Variants in GPR6 observed in about 807,000 individuals in gnomAD.
GPR6 encodes the protein G protein-coupled receptor 6, also known as sphingosine 1-phosphate receptor GPR6.
GPR6 carries 14 observed loss-of-function variants against 18.5 expected under a neutral mutation model. The observed-to-expected ratio is 0.76, with a 90% confidence interval of 0.50 to 1.18. The LOEUF (loss-of-function observed/expected upper bound fraction) is 1.18. Ranked by LOEUF, GPR6 falls within the 50% of genes most tolerant of loss-of-function variation. The pLI is 0.00. For missense variants in GPR6, 477 were observed against 495.9 expected, an observed-to-expected ratio of 0.96 and a Z score of 0.36; for synonymous variants, 299 against 240.9, an observed-to-expected ratio of 1.24 and a Z score of -2.23.
At position 109,979,408 on chromosome 6, in the gene GPR6, C is replaced by G. The variant is rs1771027962; in HGVS notation, c.296C>G (p.Ser99Cys). 1.2e-6 allele frequency: 2 copies of G among 1,613,458 alleles called. No homozygotes were observed. Among genetic ancestry groups the G allele is most frequent in the African/African-American group, 2.7e-5 (2 of 74,948 alleles). Residue 99 changes from serine to cysteine, a missense_variant, in exon 2 of 2, where the codon TCC (serine) becomes TGC (cysteine). By Grantham distance (112) the Ser-to-Cys change is moderately radical (BLOSUM62 -1). Transcript: ENST00000275169. ...ENALVVALIA[S>C]TPALRTPMFV... ...GCGCTGGTGGTGGCGCTCATCGCGT[C>G]CACTCCGGCGCTGCGCACGCCCATG...
intron 1 of GPR6, 61 bp from the exon 2 acceptor site, chr6:109,979,034 T>C: frequency 1.3e-6 from 2 of 1,536,540 alleles, no homozygotes; most frequent in South Asian, 1.2e-5. Flanking sequence ...GCTCTACGCG[T>C]GGGGAAGTTT....
Position 109,980,282 on chromosome 6 carries a change from CTG to C in GPR6, c.*82_*83del. On this transcript the variant is annotated 3_prime_UTR_variant, in exon 2 of 2. Transcript: ENST00000275169. ...TAAGCTCGGTGCCTGCTGACGAACT[CTG>C]AGATCCCAATGGTGTGAGTCTGACT... 6.4e-7 allele frequency: 1 copy of C among 1,568,608 alleles called. No individual in the cohort carries two copies. The highest frequency in any genetic ancestry group is 1.1e-5 in the South Asian group (1 of 86,972).
rs1379806981 is a variant in GPR6 at position 109,980,128 on chromosome 6, C to A, written c.1016C>A (p.Ala339Asp). The change falls in exon 2 of 2, where the codon GCC becomes GAC. Residue 339 changes from alanine (A) to aspartate (D), a missense_variant. Coordinates refer to ENST00000275169, the MANE Select transcript of GPR6 (RefSeq NM_005284.5). ...YAFRNQEIQRALWLLLCGCFQ... is the reference protein window; with the variant it reads ...YAFRNQEIQRDLWLLLCGCFQ... Reference sequence around the variant, plus strand: ...TTCCGCAACCAGGAGATCCAGCGCGCCCTGTGGCTCCTGCTCTGTGGCTGT... The same window carrying A: ...TTCCGCAACCAGGAGATCCAGCGCGACCTGTGGCTCCTGCTCTGTGGCTGT... 1 of 1,614,230 alleles carries A rather than the reference C, an allele frequency of 6.2e-7. No homozygotes were observed. Among genetic ancestry groups the A allele is most frequent in the Non-Finnish European group, 8.5e-7 (1 of 1,180,044 alleles).
chr6:109,980,496 T>C lies in GPR6; in HGVS notation c.*295T>C. The C allele has an allele frequency of 2.4e-6, 1 of 423,026 alleles. No individual in the cohort carries two copies. Among genetic ancestry groups the C allele is most frequent in the Non-Finnish European group, 4.3e-6 (1 of 230,316 alleles). The allele number at this position is 423,026 out of a possible 1,614,324, so 26.2% of individuals were successfully genotyped here. On this transcript the variant is annotated 3_prime_UTR_variant, in exon 2 of 2. Coordinates refer to ENST00000275169, the MANE Select transcript of GPR6 (RefSeq NM_005284.5). ...CCAAGAAAAAGATATGGTTGTATAC[T>C]CAAATTGTACATCACGTTTGTCAAA...
chr6:109,979,140 G>A lies in GPR6; in HGVS notation c.28G>A (p.Asp10Asn), dbSNP rs770420796. Residue 10 changes from aspartate (D) to asparagine (N), a missense_variant, in exon 2 of 2, where the codon GAC (aspartate) becomes AAC (asparagine). Asp to Asn is a conservative substitution (Grantham distance 23). Coordinates refer to ENST00000275169, the MANE Select transcript of GPR6 (RefSeq NM_005284.5). Reference protein sequence around the residue: MNASAASLNDSQVVVVAAEG... With the variant: MNASAASLNNSQVVVVAAEG... ...GAACGCGAGCGCCGCCTCGCTCAAC[G>A]ACTCCCAGGTGGTGGTAGTGGCGGC... is the stretch of plus-strand genomic sequence containing the variant. The A allele has an allele frequency of 1.4e-5, 22 of 1,595,046 alleles. No individual in the cohort carries two copies. In the East Asian group the frequency reaches 3.6e-4, roughly 26 times the overall value.
intron 1 of GPR6, 49 bp from the exon 2 acceptor site, chr6:109,979,046 C>T (rs532787255): frequency 3.3e-6 from 5 of 1,536,402 alleles, no homozygotes; most frequent in Non-Finnish European, 4.4e-6. Context: ...GGGAAGTTTC[C>T]TGGCAGCCTG....
Position 109,979,898 on chromosome 6 carries a change from G to T in GPR6, c.786G>T (p.Gln262His), listed in dbSNP as rs1771046169. ...VWRHAHQIAL[Q>H]QHCLAPPHLA... ...GCCACGCGCACCAGATCGCGCTGCA[G>T]CAGCACTGCCTGGCGCCACCCCATC... The change falls in exon 2 of 2, where the codon CAG (glutamine) becomes CAT (histidine). Residue 262 changes from glutamine (Q) to histidine (H), a missense_variant. By Grantham distance (24) the Gln-to-His change is conservative. Transcript: ENST00000275169. 6.2e-7 allele frequency: 1 copy of T among 1,611,774 alleles called. No homozygotes were observed. The highest frequency in any genetic ancestry group is 8.5e-7 in the Non-Finnish European group (1 of 1,179,974).
chr6:109,979,792 T>G lies in GPR6; in HGVS notation c.680T>G (p.Val227Gly). ...SVVRPLARSH[V>G]ALLSAAFFMV... ...GTGCGCCCGCTGGCGCGCAGCCACG[T>G]GGCTCTGCTCTCCGCCGCCTTCTTC... The change falls in exon 2 of 2, where the codon GTG becomes GGG. Residue 227 changes from valine to glycine, a missense_variant. Physicochemically the swap from Val to Gly is moderately radical, Grantham distance 109. Coordinates refer to ENST00000275169, the MANE Select transcript of GPR6 (RefSeq NM_005284.5). 1 of 1,600,188 alleles carries G rather than the reference T, an allele frequency of 6.2e-7. No homozygotes were observed. The highest frequency in any genetic ancestry group is 8.5e-7 in the Non-Finnish European group (1 of 1,177,492).
Position 109,979,306 on chromosome 6 carries a change from C to T in GPR6, c.194C>T (p.Pro65Leu), listed in dbSNP as rs779414413. ...ELSSQLSAGP[P>L]GLLLPAVNPW... Reference sequence around the variant, plus strand: ...TCCTCGCAGCTGTCGGCTGGGCCACCGGGACTCCTGCTGCCAGCGGTGAAT... The same window carrying T: ...TCCTCGCAGCTGTCGGCTGGGCCACTGGGACTCCTGCTGCCAGCGGTGAAT... The change falls in exon 2 of 2, where the codon CCG becomes CTG. Residue 65 changes from proline to leucine, a missense_variant. By Grantham distance (98) the Pro-to-Leu change is moderately conservative (BLOSUM62 -3). Coordinates refer to ENST00000275169, the MANE Select transcript of GPR6 (RefSeq NM_005284.5). 5.0e-6 allele frequency: 8 copies of T among 1,613,438 alleles called. No individual in the cohort carries two copies. Among genetic ancestry groups the T allele is most frequent in the Non-Finnish European group, 5.9e-6 (7 of 1,179,884 alleles).
In GPR6 at chr6:109,979,088, T is replaced by C. The variant is rs760555285; in HGVS notation, c.-18-7T>C. Reference sequence around the variant, plus strand: ...ACACCTGACGCCTGCACTCCCTCCCTATGCAGGGTGCAAATCCGGCCGCGA... The same window carrying C: ...ACACCTGACGCCTGCACTCCCTCCCCATGCAGGGTGCAAATCCGGCCGCGA... On this transcript the variant is annotated splice_region_variant and splice_polypyrimidine_tract_variant and intron_variant, in intron 1 of 1. Coordinates refer to ENST00000275169, the MANE Select transcript of GPR6 (RefSeq NM_005284.5). The C allele has an allele frequency of 6.4e-7, 1 of 1,562,730 alleles. No homozygotes were observed.
rs4354185 is a variant in GPR6, at chr6:109,980,458, A to G, written c.*257A>G. ...AGGTGTTCAGGATGTGGAGCTTCCTATTCTGTGAAAAACCAAGAAAAAGAT... is the reference window on the plus strand; with the variant it reads ...AGGTGTTCAGGATGTGGAGCTTCCTGTTCTGTGAAAAACCAAGAAAAAGAT... On this transcript the variant is annotated 3_prime_UTR_variant, in exon 2 of 2. Transcript: ENST00000275169. 334,140 of 523,618 alleles carry G rather than the reference A, an allele frequency of 0.64. 107,206 individuals carry two copies. Among genetic ancestry groups the G allele is most frequent in the Middle Eastern group, 0.65 (1,281 of 1,964 alleles). The allele number at this position is 523,618 out of a possible 1,614,324, so 32.4% of individuals were successfully genotyped here.
Position 109,979,246 on chromosome 6 carries a change from G to C in GPR6, c.134G>C (p.Gly45Ala). 3 of 1,611,014 alleles carry C rather than the reference G, an allele frequency of 1.9e-6. No individual in the cohort carries two copies. The highest frequency in any genetic ancestry group is 2.5e-6 in the Non-Finnish European group (3 of 1,179,590). ...GGACCCCCTGCTGCGGCGGCTCTAG[G>C]AGCCGGCGGCGGAGCTAATGGGTCT... ...EWGPPAAAAL[G>A]AGGGANGSLE... The change falls in exon 2 of 2, where the codon GGA becomes GCA. Residue 45 changes from glycine to alanine, a missense_variant. Physicochemically the swap from Gly to Ala is moderately conservative, Grantham distance 60. Transcript: ENST00000275169.
rs1771060586 is a variant in GPR6, at chr6:109,980,282, C to T, written c.*81C>T. On this transcript the variant is annotated 3_prime_UTR_variant, in exon 2 of 2. Coordinates refer to ENST00000275169, the MANE Select transcript of GPR6 (RefSeq NM_005284.5). ...TAAGCTCGGTGCCTGCTGACGAACT[C>T]TGAGATCCCAATGGTGTGAGTCTGA... The T allele has an allele frequency of 6.4e-7, 1 of 1,568,490 alleles. No individual in the cohort carries two copies. The highest frequency in any genetic ancestry group is 1.9e-5 in the Admixed American group (1 of 52,538).
chr6:109,979,979 C>T lies in GPR6; in HGVS notation c.867C>T (p.Gly289=), dbSNP rs1478471185. ...GTLAVVLGTF[G]ASWLPFAIYC... ...TGGCTGTGGTGCTGGGCACTTTCGGCGCCAGCTGGCTGCCCTTCGCCATCT... is the reference window on the plus strand; with the variant it reads ...TGGCTGTGGTGCTGGGCACTTTCGGTGCCAGCTGGCTGCCCTTCGCCATCT... Residue 289 remains glycine (G), a synonymous_variant, in exon 2 of 2, where the codon GGC becomes GGT. Coordinates refer to ENST00000275169, the MANE Select transcript of GPR6 (RefSeq NM_005284.5). 6.2e-7 allele frequency: 1 copy of T among 1,612,944 alleles called. No individual in the cohort carries two copies. Among genetic ancestry groups the T allele is most frequent in the Non-Finnish European group, 8.5e-7 (1 of 1,180,038 alleles).
Position 109,979,634 on chromosome 6 carries a change from C to A in GPR6, c.522C>A (p.Leu174=), listed in dbSNP as rs1406572375. ...GCTACCTGTCCCTGTATAACGCGCTCACCTATTACTCGCGCCGGACCCTGT... is the reference window on the plus strand; with the variant it reads ...GCTACCTGTCCCTGTATAACGCGCTAACCTATTACTCGCGCCGGACCCTGT... ...VDRYLSLYNA[L]TYYSRRTLLG... Residue 174 remains leucine, a synonymous_variant, in exon 2 of 2, where the codon CTC becomes CTA. Transcript: ENST00000275169. 9 of 1,612,540 alleles carry A rather than the reference C, an allele frequency of 5.6e-6. No homozygotes were observed. The highest frequency in any genetic ancestry group is 1.7e-5 in the Admixed American group (1 of 60,016).
In GPR6 at chr6:109,979,772, C is replaced by T. The variant is rs771227926; in HGVS notation, c.660C>T (p.Arg220=). 4.4e-6 allele frequency: 7 copies of T among 1,598,110 alleles called. No individual in the cohort carries two copies. In the South Asian group the frequency reaches 7.7e-5, roughly 18 times the overall value. ...AGCGCGCCGCCTGCAGCGTGGTGCG[C>T]CCGCTGGCGCGCAGCCACGTGGCTC... The part of the protein sequence containing the change: ...LAERAACSVV[R]PLARSHVALL... Residue 220 remains arginine (R), a synonymous_variant, in exon 2 of 2, where the codon CGC becomes CGT. Coordinates refer to ENST00000275169, the MANE Select transcript of GPR6 (RefSeq NM_005284.5).
At chr6:109,978,888 C>G in intron 1 of GPR6, 4 of 1,529,104 alleles carry the variant, frequency 2.6e-6, no homozygotes, top group Non-Finnish European at 2.6e-6. Flanking sequence ...TGCAAAAACT[C>G]AGAAGTCCGC....
At chr6:109,978,729 G>A (rs1173057379) in intron 1 of GPR6, 2 of 1,535,374 alleles carry the variant, frequency 1.3e-6, no homozygotes, top group Non-Finnish European at 1.7e-6. Flanking sequence ...CAGCCCCATG[G>A]GGATGTCCTG....
chr6:109,978,977 G>A (rs1771006361), intron 1 of GPR6, 118 bp from the exon 2 acceptor site: 1 of 1,535,770 alleles, frequency 6.5e-7, no homozygotes, highest in Admixed American at 1.8e-5. Flanking sequence ...TTTGCTCTGG[G>A]GTCCCAGGGT....
Sources: gnomAD v4.1 joint callset for allele counts on GRCh38, gnomAD v4.1.1 for gene constraint, MANE v1.5 for transcripts, NCBI Gene and HGNC (gene_info 2026-07-23, HGNC 2026-07-21) for gene names.